Variants in GJC2 observed in about 807,000 individuals in gnomAD.
The protein encoded by GJC2 is gap junction gamma-2 protein.
For synonymous variants in GJC2, 336 were observed against 307.5 expected, an observed-to-expected ratio of 1.09 and a Z score of -0.97; for missense variants, 647 against 648.9, an observed-to-expected ratio of 1.00 and a Z score of 0.03.
In GJC2 at chr1:228,152,452, C is replaced by T. The variant is rs1021732564; in HGVS notation, c.-20+2445C>T. ...ATGGGGGAGGGGGCCCGGCTCTGAC[C>T]GGTGTCCTGAGATACCAGGACACCA... On this transcript the variant is annotated intron_variant, in intron 1 of 1. Coordinates refer to ENST00000366714, the MANE Select transcript of GJC2 (RefSeq NM_020435.4). This position sits in a 1 kb window ranked among gnomAD's most constrained non-coding sequence, Gnocchi z 7.3. Among the ~76,000 whole-genome samples, 7 of 152,118 alleles carry T rather than the reference C, an allele frequency of 4.6e-5. No individual in the cohort carries two copies. Among genetic ancestry groups the T allele is most frequent in the South Asian group, 2.1e-4 (1 of 4,814 alleles).
Position 228,151,377 on chromosome 1 carries a change from G to T in GJC2, c.-20+1370G>T, listed in dbSNP as rs934094529. Among the ~76,000 whole-genome samples the T allele has an allele frequency of 6.6e-6, 1 of 152,084 alleles. No individual in the cohort carries two copies. The highest frequency in any genetic ancestry group is 2.4e-5 in the African/African-American group (1 of 41,416). The stretch of plus-strand genomic sequence containing the variant: ...GGGTCTGGTCAGTTCAGGAGCTGTG[G>T]CAGGCCATGTAAGGGGAGCCACCAT... On this transcript the variant is annotated intron_variant, in intron 1 of 1. Transcript: ENST00000366714. This position sits in a 1 kb window ranked among gnomAD's most constrained non-coding sequence, Gnocchi z 5.4.
At chr1:228,153,729 C>T (rs929351642) in intron 1 of GJC2, among the ~76,000 whole-genome samples, 7 of 151,450 alleles carry the variant, frequency 4.6e-5, no homozygotes, top group African/African-American at 7.3e-5. Context: ...ACTACAGGCA[C>T]GCGCCACCAC....
intron 1 of GJC2, among the ~76,000 whole-genome samples, chr1:228,154,878 G>T (rs2034661217): frequency 6.6e-6 from 1 of 152,222 alleles, no homozygotes; most frequent in South Asian, 2.1e-4. Context: ...GGGTCTGCCA[G>T]TTCCCCACCA....
rs1571908556 is a variant in GJC2 at position 228,158,971 on chromosome 1, G to T, written c.1213G>T (p.Glu405Ter). The T allele has an allele frequency of 6.3e-7, 1 of 1,594,154 alleles. No individual in the cohort carries two copies. Residue 405 changes from glutamate to a stop codon, truncating the protein, a stop_gained, in exon 2 of 2, where the codon GAG (glutamate) becomes TAG (stop). Transcript: ENST00000366714. LOFTEE classifies it low-confidence loss of function (END_TRUNC). This position sits in a 1 kb window ranked among gnomAD's most constrained non-coding sequence, Gnocchi z 8.3. Reference protein sequence around the residue: ...GSATSAGTVGEQGRPGTHERP... With the variant: ...GSATSAGTVG Reference sequence around the variant, plus strand: ...TGCTACCTCTGCGGGCACTGTCGGGGAGCAGGGCCGGCCCGGCACCCACGA... The same window carrying T: ...TGCTACCTCTGCGGGCACTGTCGGGTAGCAGGGCCGGCCCGGCACCCACGA...
chr1:228,155,187 G>A (rs2034664303), intron 1 of GJC2, among the ~76,000 whole-genome samples: 1 of 152,216 alleles, frequency 6.6e-6, no homozygotes, highest in South Asian at 2.1e-4. Context: ...GTGTGCGCCT[G>A]TGCATGTGTG....
chr1:228,156,017 G>C (rs562772229), intron 1 of GJC2, among the ~76,000 whole-genome samples: 368 of 152,354 alleles, frequency 2.4e-3, no homozygotes, highest in African/African-American at 8.7e-3. Flanking sequence ...GCTGGAATCA[G>C]TGGGCCTTAG....
Position 228,151,656 on chromosome 1 carries a change from G to T in GJC2, c.-20+1649G>T, listed in dbSNP as rs1571904565. Among the ~76,000 whole-genome samples the T allele has an allele frequency of 6.6e-6, 1 of 152,248 alleles. No homozygotes were observed. The highest frequency in any genetic ancestry group is 1.9e-4 in the East Asian group (1 of 5,170). On this transcript the variant is annotated intron_variant, in intron 1 of 1. Coordinates refer to ENST00000366714, the MANE Select transcript of GJC2 (RefSeq NM_020435.4). The surrounding 1 kb of genome is among the most constrained non-coding windows in gnomAD (Gnocchi z 5.4). ...TACATGTGAAGGATGCATGAGGATG[G>T]CTGGTGCCCACACCCAGTGGGGCCT...
At position 228,151,606 on chromosome 1, in the gene GJC2, T is replaced by G; in HGVS notation, c.-20+1599T>G. ...TGTGCACTGCTTGTGTGTGGGGGGG[T>G]GGAGGGAGGAGCGTGCCCTGTGTGT... On this transcript the variant is annotated intron_variant, in intron 1 of 1. Transcript: ENST00000366714. This position sits in a 1 kb window ranked among gnomAD's most constrained non-coding sequence, Gnocchi z 5.4. Among the ~76,000 whole-genome samples, 1 of 150,350 alleles carries G rather than the reference T, an allele frequency of 6.7e-6. No individual in the cohort carries two copies. Among genetic ancestry groups the G allele is most frequent in the East Asian group, 2.0e-4 (1 of 5,110 alleles).
In GJC2 at chr1:228,151,984, G is replaced by A. The variant is rs2034622090; in HGVS notation, c.-20+1977G>A. ...AGGGGGCTACGGCCTGTCAGCGGGT[G>A]AGGAGAAATTGAGGCCTGAGGATGG... On this transcript the variant is annotated intron_variant, in intron 1 of 1. Coordinates refer to ENST00000366714, the MANE Select transcript of GJC2 (RefSeq NM_020435.4). This position sits in a 1 kb window ranked among gnomAD's most constrained non-coding sequence, Gnocchi z 5.4. Among the ~76,000 whole-genome samples, 1 of 152,172 alleles carries A rather than the reference G, an allele frequency of 6.6e-6. No individual in the cohort carries two copies. Among genetic ancestry groups the A allele is most frequent in the South Asian group, 2.1e-4 (1 of 4,838 alleles).
chr1:228,158,922 C>A lies in GJC2; in HGVS notation c.1164C>A (p.Gly388=), dbSNP rs1290792498. 3 of 1,509,744 alleles carry A rather than the reference C, an allele frequency of 2.0e-6. No individual in the cohort carries two copies. Among genetic ancestry groups the A allele is most frequent in the African/African-American group, 2.8e-5 (2 of 70,416 alleles). 93.5% of individuals were successfully genotyped at this position (1,509,744 alleles called of 1,614,324 possible). A position where few individuals can be genotyped will look rare whatever the true frequency, so the allele number is the denominator to read the frequency against. The stretch of plus-strand genomic sequence containing the variant: ...CCTCCCGGGGGCCCCCCAGAGCAGG[C>A]GCCCCCGCGTCCCGGACGGGCAGTG... ...PAASRGPPRA[G]APASRTGSAT... is the part of the protein sequence containing the mutation. Residue 388 remains glycine, a synonymous_variant, in exon 2 of 2, where the codon GGC becomes GGA. Transcript: ENST00000366714. This position sits in a 1 kb window ranked among gnomAD's most constrained non-coding sequence, Gnocchi z 8.3.
Position 228,151,916 on chromosome 1 carries a change from T to C in GJC2, c.-20+1909T>C, listed in dbSNP as rs1049570583. Reference sequence around the variant, plus strand: ...CTCAGGCAGGGACATGGAGGACAGGTAGTGGAGCTGCCACCACAGAGCTGA... The same window carrying C: ...CTCAGGCAGGGACATGGAGGACAGGCAGTGGAGCTGCCACCACAGAGCTGA... On this transcript the variant is annotated intron_variant, in intron 1 of 1. Transcript: ENST00000366714. The surrounding 1 kb of genome is among the most constrained non-coding windows in gnomAD (Gnocchi z 5.4). Among the ~76,000 whole-genome samples, 12 of 151,748 alleles carry C rather than the reference T, an allele frequency of 7.9e-5. No homozygotes were observed. The highest frequency in any genetic ancestry group is 1.8e-4 in the Non-Finnish European group (12 of 67,888).
intron 1 of GJC2, among the ~76,000 whole-genome samples, chr1:228,154,146 A>C (rs1424049370): frequency 2.6e-5 from 4 of 152,158 alleles, no homozygotes; most frequent in Non-Finnish European, 5.9e-5. Flanking sequence ...TGCTGTATGC[A>C]GATGTCTTTG....
Position 228,158,480 on chromosome 1 carries a change from C to G in GJC2, c.722C>G (p.Pro241Arg). 2 of 1,612,190 alleles carry G rather than the reference C, an allele frequency of 1.2e-6. No homozygotes were observed. The highest frequency in any genetic ancestry group is 1.1e-5 in the South Asian group (1 of 91,086). Residue 241 changes from proline (P) to arginine (R), a missense_variant, in exon 2 of 2, where the codon CCG (proline) becomes CGG (arginine). Coordinates refer to ENST00000366714, the MANE Select transcript of GJC2 (RefSeq NM_020435.4). The surrounding 1 kb of genome is among the most constrained non-coding windows in gnomAD (Gnocchi z 8.3). The stretch of plus-strand genomic sequence containing the variant: ...CTGCTGTACGGCTTCGAGGTGCGAC[C>G]GTTCTTTCCCTGCAGCCGCCAGCCC... ...QYLLYGFEVRPFFPCSRQPCP... is the reference protein window; with the variant it reads ...QYLLYGFEVRRFFPCSRQPCP...
intron 1 of GJC2, among the ~76,000 whole-genome samples, chr1:228,157,413 C>T (rs2034697194): frequency 6.6e-6 from 1 of 152,098 alleles, no homozygotes; most frequent in Admixed American, 6.5e-5. Context: ...TGGGACCCTC[C>T]CCAACAACCT....
intron 1 of GJC2, among the ~76,000 whole-genome samples, chr1:228,155,384 G>A (rs185672359): frequency 4.7e-4 from 71 of 152,352 alleles, no homozygotes; most frequent in Middle Eastern, 3.4e-3. Context: ...CAGGAGTCCT[G>A]CTGGGTGGGC....
Position 228,157,736 on chromosome 1 carries a change from A to ACCGGGGGGGGGGGGGGGGG in GJC2, c.-19-3_-19-2insCGGGGGGGGGGGGGGGGGC. 2 of 677,006 alleles carry ACCGGGGGGGGGGGGGGGGG rather than the reference A, an allele frequency of 3.0e-6. No individual in the cohort carries two copies. 41.9% of individuals were successfully genotyped at this position (677,006 alleles called of 1,614,324 possible). On this transcript the variant is annotated splice_region_variant and splice_polypyrimidine_tract_variant and intron_variant, in intron 1 of 1. Transcript: ENST00000366714. ...CCCTGGCTGACCCCTACCCCGCCCCACAGGACCCGCCCGCCCGCCCCTATG... is the reference window on the plus strand; with the variant it reads ...CCCTGGCTGACCCCTACCCCGCCCCACCGGGGGGGGGGGGGGGGGCAGGACCCGCCCGCCCGCCCCTATG...
Position 228,158,786 on chromosome 1 carries a change from C to T in GJC2, c.1028C>T (p.Ala343Val), listed in dbSNP as rs1157071248. The T allele has an allele frequency of 6.3e-6, 9 of 1,428,858 alleles. No individual in the cohort carries two copies. Among genetic ancestry groups the T allele is most frequent in the Non-Finnish European group, 8.2e-6 (9 of 1,094,360 alleles). 88.5% of individuals were successfully genotyped at this position (1,428,858 alleles called of 1,614,324 possible). The change falls in exon 2 of 2, where the codon GCT becomes GTT. Residue 343 changes from alanine to valine, a missense_variant. Coordinates refer to ENST00000366714, the MANE Select transcript of GJC2 (RefSeq NM_020435.4). This position sits in a 1 kb window ranked among gnomAD's most constrained non-coding sequence, Gnocchi z 8.3. ...CTGGTGGTGCGGGCGGCCGAGCGCG[C>T]TCGGGCGCATGACCAGAACCTGGCA... ...YSLVVRAAER[A>V]RAHDQNLANL...
chr1:228,158,281 G>T lies in GJC2; in HGVS notation c.523G>T (p.Glu175Ter). The change falls in exon 2 of 2, where the codon GAG becomes TAG. Residue 175 changes from glutamate to a stop codon, truncating the protein, a stop_gained. Transcript: ENST00000366714. LOFTEE classifies it low-confidence loss of function (END_TRUNC). This position sits in a 1 kb window ranked among gnomAD's most constrained non-coding sequence, Gnocchi z 8.3. ...AGEEAEEAGA[E>*]EACTKAVGAD... ...CGAGGAAGCGGAGGAGGCAGGCGCGGAGGAGGCGTGCACTAAGGCGGTCGG... is the reference window on the plus strand; with the variant it reads ...CGAGGAAGCGGAGGAGGCAGGCGCGTAGGAGGCGTGCACTAAGGCGGTCGG... 1 of 1,530,490 alleles carries T rather than the reference G, an allele frequency of 6.5e-7. No individual in the cohort carries two copies. Among genetic ancestry groups the T allele is most frequent in the Non-Finnish European group, 8.8e-7 (1 of 1,140,690 alleles). 94.8% of individuals were successfully genotyped at this position (1,530,490 alleles called of 1,614,324 possible). A position where few individuals can be genotyped will look rare whatever the true frequency, so the allele number is the denominator to read the frequency against.
Position 228,158,603 on chromosome 1 carries a change from A to G in GJC2, c.845A>G (p.Asn282Ser), listed in dbSNP as rs1553262560. The G allele has an allele frequency of 6.2e-7, 1 of 1,610,768 alleles. No homozygotes were observed. Among genetic ancestry groups the G allele is most frequent in the African/African-American group, 1.3e-5 (1 of 74,758 alleles). Residue 282 changes from asparagine to serine, a missense_variant, in exon 2 of 2, where the codon AAC becomes AGC. Coordinates refer to ENST00000366714, the MANE Select transcript of GJC2 (RefSeq NM_020435.4). The surrounding 1 kb of genome is among the most constrained non-coding windows in gnomAD (Gnocchi z 8.3). ...YVVSCLCLLL[N>S]LCEMAHLGLG... ...GTCAGCTGCCTGTGCCTGCTGCTCA[A>G]CCTCTGTGAGATGGCCCACCTGGGC... is the stretch of plus-strand genomic sequence containing the variant.
Sources: gnomAD v4.1 joint callset for allele counts (sites outside exome capture counted in the v4.1 genomes callset) on GRCh38, gnomAD v4.1.1 for gene constraint, Gnocchi (gnomAD v3.1) non-coding constraint, MANE v1.5 for transcripts, NCBI Gene and HGNC (gene_info 2026-07-23, HGNC 2026-07-21) for gene names.